ORC4: variants seen among roughly 807,000 people sequenced by gnomAD.
The protein encoded by ORC4 is origin recognition complex subunit 4, also known as origin recognition complex, subunit 4 homolog.
Under a neutral mutation model 63.9 loss-of-function variants are expected in ORC4, and 55 were observed. The ratio of observed to expected loss-of-function variants is 0.86; its 90% CI spans 0.69 to 1.08. The LOEUF (loss-of-function observed/expected upper bound fraction) is 1.08. Ranked by LOEUF, ORC4 falls within the 50% of genes least tolerant of loss-of-function variation. The pLI is 0.00. For synonymous variants in ORC4, 150 were observed against 168.5 expected (o/e 0.89, Z 0.85); for missense variants, 511 against 504.4 (o/e 1.01, Z -0.13).
Position 147,985,351 on chromosome 2 carries a change from C to T in ORC4, c.-17-9376G>A, listed in dbSNP as rs1006498040. Among the ~76,000 whole-genome samples the T allele has an allele frequency of 2.0e-5, 3 of 152,266 alleles. No homozygotes were observed. The East Asian group carries it at 5.8e-4, about 30-fold the overall frequency. ...AGCTGGGACTACAGGCGCCTGCCAC[C>T]ATGCCCGGCTAATTTTTTGTATTTT... On this transcript the variant is annotated intron_variant, in intron 1 of 13. Coordinates refer to ENST00000392857, the MANE Select transcript of ORC4 (RefSeq NM_181741.4).
intron 4 of ORC4, among the ~76,000 whole-genome samples, chr2:147,961,476 C>G (rs1279279229): frequency 6.6e-6 from 1 of 151,526 alleles, no homozygotes; most frequent in Non-Finnish European, 1.5e-5. Context: ...AAAAATTATA[C>G]TATCGAGAGT....
At chr2:147,962,134 G>A (rs1268286883) in intron 4 of ORC4, among the ~76,000 whole-genome samples, 1 of 152,050 alleles carries the variant, frequency 6.6e-6, no homozygotes, top group African/African-American at 2.4e-5. Context: ...TACATCTCCT[G>A]CACCCCGATC....
chr2:147,973,407 G>T (rs762033638), intron 3 of ORC4, 41 bp downstream of exon 3: 1 of 1,192,752 alleles, frequency 8.4e-7, no homozygotes, highest in Non-Finnish European at 1.3e-6. Context: ...GAAGGCATCT[G>T]TAAGTAGGTC....
intron 1 of ORC4, among the ~76,000 whole-genome samples, chr2:147,977,712 C>A (rs1198904836): frequency 6.6e-6 from 1 of 152,130 alleles, no homozygotes; most frequent in Non-Finnish European, 1.5e-5. Context: ...GGTCCCTTGG[C>A]GGACTGGACT....
At chr2:148,011,840 CAAG>C (rs1692986238) in intron 1 of ORC4, among the ~76,000 whole-genome samples, 3 of 152,112 alleles carry the variant, frequency 2.0e-5, no homozygotes, top group South Asian at 2.1e-4. Context: ...AAAAAGAAAT[CAAG>C]AAGGTGATCC....
At chr2:147,962,420 T>C (rs1355823599) in intron 4 of ORC4, among the ~76,000 whole-genome samples, 1 of 152,142 alleles carries the variant, frequency 6.6e-6, no homozygotes, top group Non-Finnish European at 1.5e-5. Flanking sequence ...CAGAGCCACC[T>C]CTGTTGTGCG....
At chr2:147,936,643 G>C (rs1242542229) in intron 13 of ORC4, 1 of 152,162 alleles carries the variant, frequency 6.6e-6, no homozygotes, top group Non-Finnish European at 1.5e-5. Context: ...GAGCTGAATA[G>C]AACTGTGCAG....
intron 1 of ORC4, among the ~76,000 whole-genome samples, chr2:147,981,315 G>A (rs1327812766): frequency 2.0e-5 from 3 of 152,186 alleles, no homozygotes; most frequent in South Asian, 2.1e-4. Context: ...GCATGGATAC[G>A]CTGGACGAAG....
rs562428480 is a variant in ORC4 at position 147,933,175 on chromosome 2, G to A, written c.*2335C>T. 1 of 151,968 alleles carries A rather than the reference G, an allele frequency of 6.6e-6. No individual in the cohort carries two copies. Among genetic ancestry groups the A allele is most frequent in the African/African-American group, 2.4e-5 (1 of 41,488 alleles). The allele number at this position is 151,968 out of a possible 1,614,324, so 9.4% of individuals were successfully genotyped here. ...AAAGCAGGAGTTCATGCATTTTTTG[G>A]TTCTATTTTTCCTCCTCTAGTAAAT... On this transcript the variant is annotated 3_prime_UTR_variant, in exon 14 of 14. Coordinates refer to ENST00000392857, the MANE Select transcript of ORC4 (RefSeq NM_181741.4).
chr2:147,951,237 G>T (rs1688942858), intron 8 of ORC4, among the ~76,000 whole-genome samples: 2 of 152,184 alleles, frequency 1.3e-5, no homozygotes, highest in African/African-American at 4.8e-5. Context: ...ATGTAAATGT[G>T]CCTGACACAT....
At chr2:148,014,122 T>G (rs6746415) in intron 1 of ORC4, among the ~76,000 whole-genome samples, 49,589 of 152,002 alleles carry the variant, frequency 0.33, 8,343 homozygotes, top group East Asian at 0.52. Context: ...GGCAGGAGGA[T>G]AGCTTGAGCC....
intron 9 of ORC4, among the ~76,000 whole-genome samples, chr2:147,945,055 T>G (rs1052593229): frequency 1.3e-5 from 2 of 152,228 alleles, no homozygotes; most frequent in African/African-American, 4.8e-5. Flanking sequence ...AATTGCAATA[T>G]GGAAGATATG....
At chr2:147,986,776 G>GACACACAC (rs1048997022) in intron 1 of ORC4, among the ~76,000 whole-genome samples, 9 of 101,308 alleles carry the variant, frequency 8.9e-5, no homozygotes, top group African/African-American at 2.4e-4. Context: ...ATTTTATACA[G>GACACACAC]ACACACACAC....
At chr2:147,985,011 T>C (rs1045734989) in intron 1 of ORC4, among the ~76,000 whole-genome samples, 1 of 152,222 alleles carries the variant, frequency 6.6e-6, no homozygotes, top group Admixed American at 6.5e-5. Context: ...AATTATGAAG[T>C]ACATCCTTTA....
At chr2:147,967,777 T>C (rs935977539) in intron 4 of ORC4, among the ~76,000 whole-genome samples, 1 of 152,036 alleles carries the variant, frequency 6.6e-6, no homozygotes, top group African/African-American at 2.4e-5. Flanking sequence ...AATGATATTC[T>C]TCACAGAGAT....
intron 7 of ORC4, among the ~76,000 whole-genome samples, chr2:147,954,055 AAT>A (rs953693660): frequency 6.7e-5 from 10 of 150,376 alleles, no homozygotes; most frequent in African/African-American, 1.9e-4. Flanking sequence ...ATAAATTACA[AAT>A]ATATATATAT....
intron 4 of ORC4, 91 bp downstream of exon 4, chr2:147,972,648 A>G (rs1690283453): frequency 1.5e-6 from 1 of 655,736 alleles, no homozygotes; most frequent in Non-Finnish European, 2.5e-6. Context: ...TCAGTATTAC[A>G]TAAAATAAGA....
chr2:147,995,594 C>A (rs1461494087), intron 1 of ORC4, among the ~76,000 whole-genome samples: 1 of 152,114 alleles, frequency 6.6e-6, no homozygotes, highest in Non-Finnish European at 1.5e-5. Context: ...GGAGGGTCTG[C>A]GGCTTCATTC....
chr2:147,980,125 T>C (rs554722062), intron 1 of ORC4, among the ~76,000 whole-genome samples: 27 of 152,230 alleles, frequency 1.8e-4, no homozygotes, highest in Non-Finnish European at 3.4e-4. Context: ...AGTGAAACTA[T>C]TTGCAAATCT....
Sources: gnomAD v4.1 joint callset for allele counts (sites outside exome capture counted in the v4.1 genomes callset) on GRCh38, gnomAD v4.1.1 for gene constraint, MANE v1.5 for transcripts, NCBI Gene and HGNC (gene_info 2026-07-23, HGNC 2026-07-21) for gene names.